The following VPS8 variants were observed in gnomAD, a reference collection of about 807,000 sequenced individuals.
VPS8 encodes vacuolar protein sorting-associated protein 8 homolog.
A neutral mutation model predicts 216.4 loss-of-function variants in VPS8; 129 were observed. That is an observed-to-expected ratio of 0.60 (90% CI 0.52 to 0.69). VPS8 has a LOEUF of 0.69. Ranked by LOEUF, VPS8 falls within the 30% of genes least tolerant of loss-of-function variation. VPS8 has a pLI of 0.00. For synonymous variants in VPS8, 571 were observed against 565.4 expected, an observed-to-expected ratio of 1.01 and a Z score of -0.14; for missense variants, 1,531 against 1,683.5, an observed-to-expected ratio of 0.91 and a Z score of 1.59.
intron 14 of VPS8, among the ~76,000 whole-genome samples, chr3:184,856,361 A>T (rs1725254673): frequency 6.6e-6 from 1 of 152,256 alleles, no homozygotes. Context: ...AGTATGGACT[A>T]GAGAGAGTAT....
In VPS8 at chr3:184,824,666, C is replaced by T. The variant is rs375453321; in HGVS notation, c.34C>T (p.Gln12Ter). Reference protein sequence around the residue: ...ENEPDHENVEQSLCAKTSEEE... With the variant: ...ENEPDHENVE The stretch of plus-strand genomic sequence containing the variant: ...TGAACCAGACCATGAAAATGTGGAA[C>T]AGAGCCTCTGTGCCAAGACGAGCGA... The change falls in exon 2 of 48, where the codon CAG (glutamine) becomes TAG (stop). Residue 12 changes from glutamine (Q) to a stop codon, truncating the protein, a stop_gained. Coordinates refer to ENST00000625842, the MANE Select transcript of VPS8 (RefSeq NM_001009921.3). LOFTEE classifies it high-confidence loss of function. 4.3e-6 allele frequency: 7 copies of T among 1,613,786 alleles called. No individual in the cohort carries two copies. In the African/African-American group the frequency reaches 8.0e-5, roughly 18 times the overall value.
chr3:185,034,609 TTTGTTGTTG>T (rs71632042), intron 46 of VPS8, among the ~76,000 whole-genome samples: 8,437 of 145,520 alleles, frequency 0.058, 498 homozygotes, highest in African/African-American at 0.17. Flanking sequence ...CGTTGATAGT[TTTGTTGTTG>T]TTGTTGTTGT....
intron 1 of VPS8, among the ~76,000 whole-genome samples, chr3:184,817,860 G>A (rs1374822124): frequency 1.3e-5 from 2 of 152,192 alleles, no homozygotes; most frequent in Non-Finnish European, 2.9e-5. Flanking sequence ...TAGCTGGGGA[G>A]AAAAGAGTCA....
intron 40 of VPS8, among the ~76,000 whole-genome samples, chr3:184,977,231 A>G (rs116172831): frequency 0.011 from 1,722 of 151,886 alleles, 39 homozygotes; most frequent in African/African-American, 0.04. Context: ...TTTTTTTCAT[A>G]TGTTTATTGG....
At chr3:184,871,964 T>C (rs1728424578) in intron 21 of VPS8, among the ~76,000 whole-genome samples, 2 of 152,228 alleles carry the variant, frequency 1.3e-5, no homozygotes, top group South Asian at 4.1e-4. Context: ...GTAACTGTTA[T>C]TACTCTGTTT....
At chr3:184,917,294 A>G (rs566971914) in intron 28 of VPS8, among the ~76,000 whole-genome samples, 154 of 152,348 alleles carry the variant, frequency 1.0e-3, no homozygotes, top group Non-Finnish European at 1.8e-3. Flanking sequence ...AAAATTCAAT[A>G]TAGCTGCATC....
chr3:184,839,601 TG>T, intron 6 of VPS8, 96 bp from the exon 7 acceptor site: 1 of 1,141,382 alleles, frequency 8.8e-7, no homozygotes, highest in Non-Finnish European at 1.2e-6. Flanking sequence ...GTATGTCATC[TG>T]GTGCCTAGAG....
intron 7 of VPS8, among the ~76,000 whole-genome samples, chr3:184,840,977 T>A (rs1577835926): frequency 1.3e-5 from 2 of 152,276 alleles, no homozygotes; most frequent in East Asian, 3.9e-4. Flanking sequence ...TTTGAATGAT[T>A]TGGCTTACTA....
chr3:184,818,536 AAAAG>A (rs1716848720), intron 1 of VPS8, among the ~76,000 whole-genome samples: 2 of 151,864 alleles, frequency 1.3e-5, no homozygotes, highest in Admixed American at 1.3e-4. Context: ...AAAAAAAAAA[AAAAG>A]TCCATTTGCC....
Position 184,954,657 on chromosome 3 carries a change from T to C in VPS8, c.3036-2717T>C, listed in dbSNP as rs553158283. Reference sequence around the variant, plus strand: ...AATTTCTCCATGTAGGACTTTCCGATAGGATTTATTCCTAATTATCTCTGA... The same window carrying C: ...AATTTCTCCATGTAGGACTTTCCGACAGGATTTATTCCTAATTATCTCTGA... On this transcript the variant is annotated intron_variant, in intron 36 of 47. Coordinates refer to ENST00000625842, the MANE Select transcript of VPS8 (RefSeq NM_001009921.3). 2.1e-4 allele frequency among the ~76,000 whole-genome samples: 32 copies of C among 152,364 alleles called. No individual in the cohort carries two copies. In the East Asian group the frequency reaches 4.2e-3, roughly 20 times the overall value.
rs372420104 is a variant in VPS8, at chr3:184,834,769, C to G, written c.447+27C>G. On this transcript the variant is annotated intron_variant, in intron 5 of 47. Coordinates refer to ENST00000625842, the MANE Select transcript of VPS8 (RefSeq NM_001009921.3). ...TAAGTATTTTGTTCTTTTCCCTCAA[C>G]TTTGTAACCTGCAATGGCATAATGA... 6 of 1,508,310 alleles carry G rather than the reference C, an allele frequency of 4.0e-6. No homozygotes were observed. The African/African-American group carries it at 8.4e-5, about 21-fold the overall frequency. 93.4% of individuals were successfully genotyped at this position (1,508,310 alleles called of 1,614,324 possible). A position where few individuals can be genotyped will look rare whatever the true frequency, so the allele number is the denominator to read the frequency against.
intron 20 of VPS8, among the ~76,000 whole-genome samples, chr3:184,869,977 C>T (rs1728058607): frequency 6.6e-6 from 1 of 151,632 alleles, no homozygotes; most frequent in African/African-American, 2.4e-5. Flanking sequence ...CCCTTGCTCA[C>T]TCTTTTATGA....
chr3:184,960,233 T>C (rs1443493830), intron 37 of VPS8, among the ~76,000 whole-genome samples: 1 of 152,206 alleles, frequency 6.6e-6, no homozygotes, highest in African/African-American at 2.4e-5. Flanking sequence ...TAATCCAGTC[T>C]ATCATTGTTG....
At position 184,996,520 on chromosome 3, in the gene VPS8, T is replaced by C; in HGVS notation, c.3836+19T>C. On this transcript the variant is annotated intron_variant, in intron 44 of 47. Coordinates refer to ENST00000625842, the MANE Select transcript of VPS8 (RefSeq NM_001009921.3). ...TCTTTAGGTAAGAAAGGGAAGGAAA[T>C]GTTACATGTATGGTACATGTACATC... The C allele has an allele frequency of 1.3e-6, 2 of 1,593,524 alleles. No individual in the cohort carries two copies. Among genetic ancestry groups the C allele is most frequent in the Non-Finnish European group, 1.7e-6 (2 of 1,169,298 alleles).
chr3:184,825,030 C>T (rs1202877622), intron 2 of VPS8: 2 of 435,150 alleles, frequency 4.6e-6, no homozygotes, highest in Admixed American at 3.3e-5. Context: ...CTCAGCCTCC[C>T]AAGTAGCTGG....
intron 45 of VPS8, among the ~76,000 whole-genome samples, chr3:185,005,103 A>T (rs944130232): frequency 4.6e-5 from 7 of 152,158 alleles, no homozygotes; most frequent in African/African-American, 1.7e-4. Context: ...CTTGCCAATT[A>T]TCCCAAGCAC....
intron 22 of VPS8, among the ~76,000 whole-genome samples, chr3:184,892,958 C>T (rs893845571): frequency 2.6e-5 from 4 of 152,058 alleles, no homozygotes; most frequent in South Asian, 2.1e-4. Flanking sequence ...TTCTTTCTTA[C>T]AGTAAAACTC....
At chr3:184,839,606 C>A in intron 6 of VPS8, 92 bp from the exon 7 acceptor site, 1 of 1,219,872 alleles carries the variant, frequency 8.2e-7, no homozygotes, top group Non-Finnish European at 1.2e-6. Flanking sequence ...TCATCTGGTG[C>A]CTAGAGGAAG....
At chr3:184,869,914 C>T (rs1044308039) in intron 20 of VPS8, among the ~76,000 whole-genome samples, 2 of 152,078 alleles carry the variant, frequency 1.3e-5, no homozygotes, top group African/African-American at 4.8e-5. Context: ...TTATAATTCC[C>T]TGTGTCATCT....
Sources: allele counts gnomAD v4.1 joint callset (sites outside exome capture counted in the v4.1 genomes callset), GRCh38; gene constraint gnomAD v4.1.1; transcripts MANE v1.5; gene names NCBI Gene and HGNC (gene_info 2026-07-23, HGNC 2026-07-21).